SORCS1: variants seen among roughly 807,000 people sequenced by gnomAD.
SORCS1 encodes sortilin related VPS10 domain containing receptor 1, also known as VPS10 domain-containing receptor SorCS1.
In SORCS1, 60 loss-of-function variants were observed where a neutral mutation model predicts 146.1. That is an observed-to-expected ratio of 0.41 (90% confidence interval 0.33 to 0.51). The LOEUF (loss-of-function observed/expected upper bound fraction) is 0.51, where lower values mean the gene tolerates loss of function less well. Among genes scored for constraint, SORCS1 ranks in the 20% least tolerant of loss-of-function variants. The pLI is 0.21. For missense variants in SORCS1, 1,352 were observed against 1,487.6 expected (o/e 0.91, Z 1.50); for synonymous variants, 637 against 584.0 (o/e 1.09, Z -1.31).
rs148096935 is a variant in SORCS1 at position 107,088,265 on chromosome 10, C to T, written c.558+75704G>A. 4.0e-4 allele frequency among the ~76,000 whole-genome samples: 61 copies of T among 152,210 alleles called. No individual in the cohort carries two copies. In the East Asian group the frequency reaches 0.01, roughly 26 times the overall value. On this transcript the variant is annotated intron_variant, in intron 1 of 25. Coordinates refer to ENST00000263054, the MANE Select transcript of SORCS1 (RefSeq NM_052918.5). ...CCCCTGAATACTCTGCACAGTTACA[C>T]TGGAAGTAGTTAAATTCACCATTTT... is the stretch of plus-strand genomic sequence containing the variant.
chr10:106,614,830 T>C (rs761367441), intron 21 of SORCS1, among the ~76,000 whole-genome samples: 28 of 152,186 alleles, frequency 1.8e-4, no homozygotes, highest in Admixed American at 1.1e-3. Context: ...CTGAAAAGGG[T>C]AAACACCAAT....
intron 22 of SORCS1, among the ~76,000 whole-genome samples, chr10:106,610,490 C>A (rs937648866): frequency 2.6e-5 from 4 of 152,118 alleles, no homozygotes; most frequent in Middle Eastern, 3.4e-3. Flanking sequence ...TAAGTGCTAA[C>A]CAAATATTAA....
At chr10:106,892,200 C>T (rs1043614045) in intron 2 of SORCS1, among the ~76,000 whole-genome samples, 1 of 152,184 alleles carries the variant, frequency 6.6e-6, no homozygotes, top group East Asian at 1.9e-4. Flanking sequence ...CAAATGGGAA[C>T]ACGTGTCAAC....
the SORCS1 span, among the ~76,000 whole-genome samples, chr10:107,179,340 C>A: frequency 6.6e-6 from 1 of 152,200 alleles, no homozygotes; most frequent in South Asian, 2.1e-4. Flanking sequence ...CTGATGTAAT[C>A]ATTCCACAAT....
chr10:106,865,731 T>TAAATA (rs975317958), intron 2 of SORCS1, among the ~76,000 whole-genome samples: 4 of 146,026 alleles, frequency 2.7e-5, no homozygotes, highest in East Asian at 4.1e-4. Context: ...CTCAAAAAAA[T>TAAATA]AAATAAAATA....
intron 2 of SORCS1, among the ~76,000 whole-genome samples, chr10:106,941,198 T>TTA (rs1210191542): frequency 6.6e-6 from 1 of 152,226 alleles, no homozygotes; most frequent in African/African-American, 2.4e-5. Context: ...GCTATCAGTA[T>TTA]TATTTTGTAG....
chr10:107,066,940 G>A (rs565965871), intron 1 of SORCS1, among the ~76,000 whole-genome samples: 4 of 152,346 alleles, frequency 2.6e-5, no homozygotes, highest in Admixed American at 2.0e-4. Flanking sequence ...TTATCACAGA[G>A]AAGTTCTAGC....
chr10:106,892,895 C>CTTTTTT (rs11352487), intron 2 of SORCS1, among the ~76,000 whole-genome samples: 8 of 137,206 alleles, frequency 5.8e-5, no homozygotes, highest in African/African-American at 1.9e-4. Flanking sequence ...TTGGAAAGCC[C>CTTTTTT]TTTTTTTTTT....
At chr10:106,908,718 A>T (rs1469057810) in intron 2 of SORCS1, among the ~76,000 whole-genome samples, 2 of 152,184 alleles carry the variant, frequency 1.3e-5, no homozygotes, top group African/African-American at 2.4e-5. Flanking sequence ...GAAGCCTGCC[A>T]CAGAACGGCG....
At chr10:106,633,298 T>C (rs139606934) in intron 18 of SORCS1, among the ~76,000 whole-genome samples, 19 of 152,314 alleles carry the variant, frequency 1.2e-4, no homozygotes, top group Middle Eastern at 3.4e-3. Context: ...TTGAATCTTT[T>C]TTATTTCTTT....
intron 2 of SORCS1, among the ~76,000 whole-genome samples, chr10:106,830,611 T>C (rs1948501821): frequency 6.7e-6 from 1 of 149,036 alleles, no homozygotes; most frequent in Non-Finnish European, 1.5e-5. Context: ...TTAAAGAATA[T>C]AGGGCTGGGC....
At chr10:106,989,679 T>C (rs554915943) in intron 1 of SORCS1, among the ~76,000 whole-genome samples, 16 of 82,726 alleles carry the variant, frequency 1.9e-4, no homozygotes, top group African/African-American at 5.8e-4. Context: ...TGTTTTTTTT[T>C]GTTTTTTTTT....
intron 1 of SORCS1, among the ~76,000 whole-genome samples, chr10:107,097,639 C>T (rs1280845237): frequency 6.6e-6 from 1 of 152,178 alleles, no homozygotes; most frequent in East Asian, 1.9e-4. Flanking sequence ...TTCTTCTTAC[C>T]TGTGCCTGCA....
chr10:106,619,889 G>A (rs1029415327), intron 20 of SORCS1, among the ~76,000 whole-genome samples: 1 of 152,208 alleles, frequency 6.6e-6, no homozygotes, highest in African/African-American at 2.4e-5. Flanking sequence ...AAATAAATAA[G>A]AGTTTTGATT....
chr10:106,634,203 T>C (rs1463215621), intron 18 of SORCS1, among the ~76,000 whole-genome samples: 1 of 152,190 alleles, frequency 6.6e-6, no homozygotes, highest in Non-Finnish European at 1.5e-5. Flanking sequence ...AATGAGTTGC[T>C]GGGTGGTACT....
chr10:106,853,297 A>T (rs1028799213), intron 2 of SORCS1, among the ~76,000 whole-genome samples: 2 of 152,096 alleles, frequency 1.3e-5, no homozygotes, highest in African/African-American at 2.4e-5. Flanking sequence ...TTTAGTATCC[A>T]TAGGATCTGT....
the SORCS1 span, among the ~76,000 whole-genome samples, chr10:107,172,861 T>G: frequency 6.6e-6 from 1 of 152,328 alleles, no homozygotes; most frequent in Admixed American, 6.5e-5. Context: ...TTTTCTAACC[T>G]ATTGCTATTA....
intron 1 of SORCS1, among the ~76,000 whole-genome samples, chr10:107,006,212 A>C (rs1957435551): frequency 1.3e-5 from 2 of 152,182 alleles, no homozygotes; most frequent in Admixed American, 6.5e-5. Flanking sequence ...ATGCAGCAGG[A>C]GAGAGGGAGG....
chr10:107,177,551 T>TA, the SORCS1 span, among the ~76,000 whole-genome samples: 1 of 152,180 alleles, frequency 6.6e-6, no homozygotes, highest in Non-Finnish European at 1.5e-5. Context: ...TCATTATAGT[T>TA]AAAAATAATG....
Sources: gnomAD v4.1 joint callset for allele counts (sites outside exome capture counted in the v4.1 genomes callset) on GRCh38, gnomAD v4.1.1 for gene constraint, MANE v1.5 for transcripts, NCBI Gene and HGNC (gene_info 2026-07-23, HGNC 2026-07-21) for gene names.